BRINP3: variants seen among roughly 807,000 people sequenced by gnomAD.
BRINP3 encodes the protein BMP/retinoic acid inducible neural specific 3, also known as BMP/retinoic acid-inducible neural-specific protein 3.
Under a neutral mutation model 71.0 loss-of-function variants are expected in BRINP3, and 19 were observed. The ratio of observed to expected loss-of-function variants is 0.27; its 90% confidence interval spans 0.19 to 0.39. The LOEUF (loss-of-function observed/expected upper bound fraction) is 0.39. Ranked by LOEUF, BRINP3 falls within the 10% of genes least tolerant of loss-of-function variation. The pLI is 1.00. For missense variants in BRINP3, 959 were observed against 940.8 expected, an observed-to-expected ratio of 1.02 and a Z score of -0.25; for synonymous variants, 380 against 337.7, an observed-to-expected ratio of 1.13 and a Z score of -1.37.
chr1:190,462,996 G>A (rs569072503), intron 1 of BRINP3, among the ~76,000 whole-genome samples: 325 of 151,888 alleles, frequency 2.1e-3, no homozygotes, highest in Non-Finnish European at 2.4e-3. Context: ...TCTACTAAAT[G>A]TGATTTATTT....
At chr1:190,269,847 A>G (rs1661957328) in intron 3 of BRINP3, among the ~76,000 whole-genome samples, 1 of 152,018 alleles carries the variant, frequency 6.6e-6, no homozygotes, top group Admixed American at 6.6e-5. Context: ...GAACATTGGC[A>G]ATATATATCA....
intron 2 of BRINP3, among the ~76,000 whole-genome samples, chr1:190,398,410 CA>C (rs1016999161): frequency 1.3e-5 from 2 of 151,744 alleles, no homozygotes; most frequent in African/African-American, 2.4e-5. Context: ...TTCTGAATAA[CA>C]AAAAAGGTAA....
intron 7 of BRINP3, among the ~76,000 whole-genome samples, chr1:190,156,121 G>A (rs963049662): frequency 1.4e-4 from 21 of 152,030 alleles, no homozygotes; most frequent in African/African-American, 4.8e-4. Context: ...TTTTTATGTC[G>A]CATGAATTCC....
intron 2 of BRINP3, among the ~76,000 whole-genome samples, chr1:190,293,535 A>T (rs1180834791): frequency 6.6e-6 from 1 of 152,106 alleles, no homozygotes; most frequent in Non-Finnish European, 1.5e-5. Context: ...AGCTTGATCC[A>T]TTTGGTCTGG....
intron 3 of BRINP3, among the ~76,000 whole-genome samples, chr1:190,268,039 T>C (rs1661804214): frequency 6.6e-6 from 1 of 152,026 alleles, no homozygotes; most frequent in Admixed American, 6.6e-5. Context: ...AAAACAATAA[T>C]GAACAATATC....
In BRINP3 at chr1:190,226,202, G is replaced by C; in HGVS notation, c.841C>G (p.His281Asp). 6 of 1,612,668 alleles carry C rather than the reference G, an allele frequency of 3.7e-6. No homozygotes were observed. The highest frequency in any genetic ancestry group is 5.1e-6 in the Non-Finnish European group (6 of 1,179,126). Residue 281 changes from histidine (H) to aspartate (D), a missense_variant, in exon 6 of 8, where the codon CAC (histidine) becomes GAC (aspartate). Physicochemically the swap from His to Asp is moderately conservative, Grantham distance 81 (BLOSUM62 -1). Transcript: ENST00000367462. The part of the protein sequence containing the change: ...FICKENDCWC[H>D]CGPKFPECNC... Reference sequence around the variant, plus strand: ...CATTCTGGAAATTTGGGACCACAGTGACACCAGCAGTCATTTTCCTTGCAG... The same window carrying C: ...CATTCTGGAAATTTGGGACCACAGTCACACCAGCAGTCATTTTCCTTGCAG...
At chr1:190,291,562 A>G (rs760785219) in intron 2 of BRINP3, among the ~76,000 whole-genome samples, 6 of 152,190 alleles carry the variant, frequency 3.9e-5, no homozygotes, top group Non-Finnish European at 5.9e-5. Flanking sequence ...AATATTCAAC[A>G]TCACTAATCA....
At chr1:190,192,973 T>C (rs1483109791) in intron 6 of BRINP3, among the ~76,000 whole-genome samples, 1 of 152,150 alleles carries the variant, frequency 6.6e-6, no homozygotes, top group Non-Finnish European at 1.5e-5. Flanking sequence ...TAGTAAACTT[T>C]ATGCCCCTCA....
intron 2 of BRINP3, among the ~76,000 whole-genome samples, chr1:190,316,849 AT>A (rs1399697493): frequency 6.6e-6 from 1 of 152,092 alleles, no homozygotes; most frequent in Non-Finnish European, 1.5e-5. Flanking sequence ...GGACTTCTAG[AT>A]TTTATAAAGG....
chr1:190,448,714 T>C (rs1456571116), intron 2 of BRINP3, among the ~76,000 whole-genome samples: 1 of 151,936 alleles, frequency 6.6e-6, no homozygotes, highest in African/African-American at 2.4e-5. Flanking sequence ...TTTTTAAGTC[T>C]GATTATGATA....
intron 2 of BRINP3, among the ~76,000 whole-genome samples, chr1:190,335,083 A>C (rs1009449857): frequency 8.6e-5 from 13 of 151,862 alleles, no homozygotes; most frequent in African/African-American, 3.1e-4. Context: ...TCTCCAGGAA[A>C]ATTTAGTTAG....
chr1:190,247,278 A>G (rs1312706825), intron 4 of BRINP3, among the ~76,000 whole-genome samples: 1 of 151,892 alleles, frequency 6.6e-6, no homozygotes, highest in Non-Finnish European at 1.5e-5. Flanking sequence ...TAAACGTTAA[A>G]ATAATTTACC....
chr1:190,227,073 G>C (rs1657458713), intron 5 of BRINP3, among the ~76,000 whole-genome samples: 1 of 151,810 alleles, frequency 6.6e-6, no homozygotes, highest in Admixed American at 6.6e-5. Flanking sequence ...CAAAAATGTA[G>C]TTTTTCAGTA....
At chr1:190,455,121 T>A (rs929871033) in intron 1 of BRINP3, among the ~76,000 whole-genome samples, 181 bp from the exon 2 acceptor site, 1 of 152,194 alleles carries the variant, frequency 6.6e-6, no homozygotes, top group Non-Finnish European at 1.5e-5. Flanking sequence ...TTATACTTTG[T>A]TCCTTTTTTA....
chr1:190,388,860 C>A (rs1671072917), intron 2 of BRINP3, among the ~76,000 whole-genome samples: 1 of 151,710 alleles, frequency 6.6e-6, no homozygotes, highest in African/African-American at 2.4e-5. Context: ...AATCATGCAA[C>A]ACTTATGAAG....
At chr1:190,164,064 A>G (rs977914355) in intron 6 of BRINP3, among the ~76,000 whole-genome samples, 1 of 152,126 alleles carries the variant, frequency 6.6e-6, no homozygotes, top group African/African-American at 2.4e-5. Context: ...AATTAAACTG[A>G]TGAGAGTGGG....
chr1:190,276,290 C>T lies in BRINP3; in HGVS notation c.427+5270G>A, dbSNP rs139128511. 8.7e-3 allele frequency among the ~76,000 whole-genome samples: 1,310 copies of T among 151,422 alleles called. 19 individuals are homozygous for T. The highest frequency in any genetic ancestry group is 0.03 in the African/African-American group (1,251 of 41,374). On this transcript the variant is annotated intron_variant, in intron 3 of 7. Coordinates refer to ENST00000367462, the MANE Select transcript of BRINP3 (RefSeq NM_199051.3). ...ACTAAAATGAAATAAATTTGTTCTTCCTAACAGACCAAGTGAAAATGAGAA... is the reference window on the plus strand; with the variant it reads ...ACTAAAATGAAATAAATTTGTTCTTTCTAACAGACCAAGTGAAAATGAGAA...
At chr1:190,113,838 G>A (rs1335896948) in intron 7 of BRINP3, among the ~76,000 whole-genome samples, 1 of 152,152 alleles carries the variant, frequency 6.6e-6, no homozygotes, top group Admixed American at 6.5e-5. Flanking sequence ...TGTGTGATTT[G>A]AGGACATATT....
At chr1:190,177,237 A>ACTGCAAACT (rs1652611780) in intron 6 of BRINP3, among the ~76,000 whole-genome samples, 1 of 130,140 alleles carries the variant, frequency 7.7e-6, no homozygotes, top group Admixed American at 9.8e-5. Flanking sequence ...GTCTCCACTC[A>ACTGCAAACT]CTGCAAACTC....
Sources: allele counts gnomAD v4.1 joint callset (sites outside exome capture counted in the v4.1 genomes callset), GRCh38; gene constraint gnomAD v4.1.1; transcripts MANE v1.5; gene names NCBI Gene and HGNC (gene_info 2026-07-23, HGNC 2026-07-21).